Variants in GDPD4 observed in about 807,000 individuals in gnomAD.
GDPD4 encodes glycerophosphodiester phosphodiesterase 6.
In GDPD4, 60 loss-of-function variants were observed where a neutral mutation model predicts 67.8. That is an observed-to-expected ratio of 0.88 (90% CI 0.72 to 1.10). The LOEUF (loss-of-function observed/expected upper bound fraction) is 1.10, where lower values mean the gene tolerates loss of function less well. Among genes scored for constraint, GDPD4 ranks in the 50% least tolerant of loss-of-function variants. The pLI is 0.00. For missense variants in GDPD4, 623 were observed against 613.9 expected (o/e 1.01, Z -0.16); for synonymous variants, 212 against 210.9 (o/e 1.00, Z -0.04).
At chr11:77,260,289 A>C (rs1300840244) in intron 10 of GDPD4, among the ~76,000 whole-genome samples, 3 of 148,016 alleles carry the variant, frequency 2.0e-5, no homozygotes, top group Non-Finnish European at 4.4e-5. Flanking sequence ...CTGGGCAACA[A>C]GAGTGAAACT....
intron 1 of GDPD4, among the ~76,000 whole-genome samples, chr11:77,300,666 ATATT>A (rs1938130413): frequency 6.6e-6 from 1 of 152,362 alleles, no homozygotes; most frequent in South Asian, 2.1e-4. Context: ...TGGACATGGA[ATATT>A]TATCAAAAAT....
intron 11 of GDPD4, among the ~76,000 whole-genome samples, chr11:77,252,277 T>C (rs923778578): frequency 3.3e-5 from 5 of 152,152 alleles, no homozygotes; most frequent in Admixed American, 2.6e-4. Flanking sequence ...TTGGTCAGGC[T>C]GGTCTCCAAC....
intron 11 of GDPD4, among the ~76,000 whole-genome samples, chr11:77,249,699 T>C (rs1958851725): frequency 6.6e-6 from 1 of 152,168 alleles, no homozygotes; most frequent in Non-Finnish European, 1.5e-5. Context: ...GACAAATTCC[T>C]GGAGGATTAG....
chr11:77,285,065 C>T lies in GDPD4; in HGVS notation c.53+20G>A. 1 of 1,587,034 alleles carries T rather than the reference C, an allele frequency of 6.3e-7. No homozygotes were observed. Among genetic ancestry groups the T allele is most frequent in the Non-Finnish European group, 8.6e-7 (1 of 1,156,586 alleles). On this transcript the variant is annotated intron_variant, in intron 3 of 16. Transcript: ENST00000315938. ...CCAAAATACCCTTACACAAATGAAA[C>T]TACAAAAAGTGAAACTCACCAGTCA...
chr11:77,281,533 A>T (rs1399313897), intron 3 of GDPD4, among the ~76,000 whole-genome samples: 1 of 152,234 alleles, frequency 6.6e-6, no homozygotes, highest in Non-Finnish European at 1.5e-5. Flanking sequence ...AGCATCAGAT[A>T]TCTACCAGAC....
At chr11:77,253,730 A>G (rs1958950322) in intron 11 of GDPD4, among the ~76,000 whole-genome samples, 3 of 152,114 alleles carry the variant, frequency 2.0e-5, no homozygotes, top group Admixed American at 2.0e-4. Context: ...CCCAGGCACC[A>G]TTTCCCTGCC....
intron 5 of GDPD4, among the ~76,000 whole-genome samples, chr11:77,275,361 A>G (rs1214792163): frequency 6.6e-6 from 1 of 152,216 alleles, no homozygotes; most frequent in Non-Finnish European, 1.5e-5. Flanking sequence ...TCTGGGGACC[A>G]GATATAGACC....
intron 13 of GDPD4, 83 bp downstream of exon 13, chr11:77,243,609 AGG>A (rs1436562858): frequency 8.6e-7 from 1 of 1,159,340 alleles, no homozygotes; most frequent in East Asian, 2.3e-5. Context: ...CGAGATGGAA[AGG>A]GGAAGTTAAG....
At chr11:77,224,473 T>G (rs187677657) in intron 16 of GDPD4, among the ~76,000 whole-genome samples, 219 of 152,314 alleles carry the variant, frequency 1.4e-3, no homozygotes, top group Middle Eastern at 6.8e-3. Context: ...ACTGGAGAGA[T>G]ATTCTGTTGT....
chr11:77,298,440 AG>A (rs1938050494), intron 1 of GDPD4, among the ~76,000 whole-genome samples: 1 of 152,188 alleles, frequency 6.6e-6, no homozygotes, highest in South Asian at 2.1e-4. Flanking sequence ...TGAACCCGGG[AG>A]GCGGAGATTG....
intron 11 of GDPD4, among the ~76,000 whole-genome samples, chr11:77,253,407 C>A (rs1384952657): frequency 6.6e-6 from 1 of 152,102 alleles, no homozygotes; most frequent in Non-Finnish European, 1.5e-5. Flanking sequence ...GCCAAGTACC[C>A]CAGTATGGCT....
At chr11:77,294,152 A>C (rs1421151837) in intron 1 of GDPD4, among the ~76,000 whole-genome samples, 2 of 152,206 alleles carry the variant, frequency 1.3e-5, no homozygotes, top group African/African-American at 4.8e-5. Context: ...TGAATGGGAA[A>C]ACTGGTGAAA....
intron 16 of GDPD4, among the ~76,000 whole-genome samples, chr11:77,221,327 G>C (rs756383024): frequency 3.9e-4 from 59 of 152,148 alleles, no homozygotes; most frequent in Non-Finnish European, 6.2e-4. Flanking sequence ...TGATGTTACA[G>C]TGTCAATTTT....
At position 77,221,425 on chromosome 11, in the gene GDPD4, T is replaced by C. The variant is rs147290581; in HGVS notation, c.1526-4111A>G. Among the ~76,000 whole-genome samples, 165 of 152,162 alleles carry C rather than the reference T, an allele frequency of 1.1e-3. 1 individual carries two copies. Among genetic ancestry groups the C allele is most frequent in the Non-Finnish European group, 3.2e-4 (22 of 68,032 alleles). ...TACATGTGTCCCAGAGATTCTGGTATGTTATGTCTTTTTTCTCATTGGTTT... is the reference window on the plus strand; with the variant it reads ...TACATGTGTCCCAGAGATTCTGGTACGTTATGTCTTTTTTCTCATTGGTTT... On this transcript the variant is annotated intron_variant, in intron 16 of 16. Transcript: ENST00000315938.
intron 11 of GDPD4, 113 bp downstream of exon 11, chr11:77,258,273 G>A: frequency 9.7e-7 from 1 of 1,028,478 alleles, no homozygotes; most frequent in Non-Finnish European, 1.5e-6. Flanking sequence ...AAACTGGGAT[G>A]AAATCGTGTG....
chr11:77,229,292 G>A (rs546733942), intron 14 of GDPD4, 60 bp from the exon 15 acceptor site: 24 of 1,011,234 alleles, frequency 2.4e-5, no homozygotes, highest in East Asian at 2.0e-4. Context: ...TGGATCATAC[G>A]GTCTAAGTCC....
intron 16 of GDPD4, 51 bp from the exon 17 acceptor site, chr11:77,217,365 TGTCA>T (rs749413830): frequency 4.5e-5 from 61 of 1,370,064 alleles, no homozygotes; most frequent in Non-Finnish European, 2.1e-6. Context: ...CTCCACTCTC[TGTCA>T]GTCATGTGTG....
Position 77,257,022 on chromosome 11 carries a change from C to T in GDPD4, c.864+1364G>A, listed in dbSNP as rs180879495. ...TATTTTTACATGAAACATGATCAAA[C>T]GGCCCTCAGGATTAACATCAAACAT... On this transcript the variant is annotated intron_variant, in intron 11 of 16. Coordinates refer to ENST00000315938, the MANE Select transcript of GDPD4 (RefSeq NM_182833.3). Among the ~76,000 whole-genome samples the T allele has an allele frequency of 2.6e-5, 4 of 152,262 alleles. No individual in the cohort carries two copies. In the East Asian group the frequency reaches 7.7e-4, roughly 29 times the overall value.
At chr11:77,240,375 C>T (rs1015105054) in intron 13 of GDPD4, among the ~76,000 whole-genome samples, 5 of 152,236 alleles carry the variant, frequency 3.3e-5, no homozygotes, top group African/African-American at 1.2e-4. Context: ...ATGCCAAGAA[C>T]ATACAATGAG....
Sources: gnomAD v4.1 joint callset for allele counts (sites outside exome capture counted in the v4.1 genomes callset) on GRCh38, gnomAD v4.1.1 for gene constraint, MANE v1.5 for transcripts, NCBI Gene and HGNC (gene_info 2026-07-23, HGNC 2026-07-21) for gene names.